Variants in NAA30 observed in about 807,000 individuals in gnomAD.
NAA30 encodes N-alpha-acetyltransferase 30.
NAA30 carries 5 observed loss-of-function variants against 31.4 expected under a neutral mutation model. The observed-to-expected ratio is 0.16, with a 90% CI of 0.08 to 0.33. The LOEUF (loss-of-function observed/expected upper bound fraction) is 0.33, where lower values mean the gene tolerates loss of function less well. Ranked by LOEUF, NAA30 falls within the 10% of genes least tolerant of loss-of-function variation. The pLI is 1.00. For synonymous variants in NAA30, 222 were observed against 207.1 expected (o/e 1.07, Z -0.62); for missense variants, 428 against 490.8 (o/e 0.87, Z 1.21).
At chr14:57,398,142 G>A (rs895209101) in intron 3 of NAA30, among the ~76,000 whole-genome samples, 4 of 152,068 alleles carry the variant, frequency 2.6e-5, no homozygotes, top group Admixed American at 1.3e-4. Context: ...ACTCACACAC[G>A]GTCCTAGGTA....
chr14:57,391,354 C>G lies in NAA30; in HGVS notation c.397C>G (p.His133Asp), dbSNP rs113395103. ...RATATKGAGVHSGERPPHSLS... is the reference protein window; with the variant it reads ...RATATKGAGVDSGERPPHSLS... Reference sequence around the variant, plus strand: ...GACTGCAACAAAAGGAGCCGGGGTACACTCGGGCGAGAGGCCCCCTCACTC... The same window carrying G: ...GACTGCAACAAAAGGAGCCGGGGTAGACTCGGGCGAGAGGCCCCCTCACTC... The change falls in exon 2 of 5, where the codon CAC (histidine) becomes GAC (aspartate). Residue 133 changes from histidine to aspartate, a missense_variant. His to Asp is a moderately conservative substitution (Grantham distance 81). Transcript: ENST00000556492. The surrounding 1 kb of genome is among the most constrained non-coding windows in gnomAD (Gnocchi z 4.1). 5 of 1,611,912 alleles carry G rather than the reference C, an allele frequency of 3.1e-6. No individual in the cohort carries two copies. The South Asian group carries it at 5.5e-5, about 18-fold the overall frequency.
At chr14:57,404,962 T>A (rs2066492493) in intron 4 of NAA30, among the ~76,000 whole-genome samples, 1 of 152,198 alleles carries the variant, frequency 6.6e-6, no homozygotes, top group Non-Finnish European at 1.5e-5. Flanking sequence ...TTTCTTTCCA[T>A]TCTTTTTTTG....
chr14:57,390,942 C>G lies in NAA30; in HGVS notation c.-1-15C>G, dbSNP rs559320859. 1 of 1,468,188 alleles carries G rather than the reference C, an allele frequency of 6.8e-7. No individual in the cohort carries two copies. The highest frequency in any genetic ancestry group is 9.0e-7 in the Non-Finnish European group (1 of 1,115,296). 90.9% of individuals were successfully genotyped at this position (1,468,188 alleles called of 1,614,324 possible). A position where few individuals can be genotyped will look rare whatever the true frequency, so the allele number is the denominator to read the frequency against. ...GGGTTTCATGGCCTCCCCTCTCGGT[C>G]TGTGTCGCTTCTAGGATGGCGGAGG... is the stretch of plus-strand genomic sequence containing the variant. On this transcript the variant is annotated splice_polypyrimidine_tract_variant and intron_variant, in intron 1 of 4. Coordinates refer to ENST00000556492, the MANE Select transcript of NAA30 (RefSeq NM_001011713.3).
At chr14:57,393,120 T>G (rs535780569) in intron 2 of NAA30, among the ~76,000 whole-genome samples, 2 of 152,298 alleles carry the variant, frequency 1.3e-5, no homozygotes, top group East Asian at 3.9e-4. Context: ...CCCACAGAAG[T>G]AGATGATTGA....
In NAA30 at chr14:57,414,634, G is replaced by A. The variant is rs1020856836; in HGVS notation, c.*5118G>A. 6 of 152,194 alleles carry A rather than the reference G, an allele frequency of 3.9e-5. No homozygotes were observed. The highest frequency in any genetic ancestry group is 5.9e-5 in the Non-Finnish European group (4 of 68,046). 9.4% of individuals were successfully genotyped at this position (152,194 alleles called of 1,614,324 possible). A position where few individuals can be genotyped will look rare whatever the true frequency, so the allele number is the denominator to read the frequency against. ...CTCCAAGATCCACTTATGGGGATGA[G>A]GCCAAAGGCCAATGTTACTTCTAGA... On this transcript the variant is annotated 3_prime_UTR_variant, in exon 5 of 5. Coordinates refer to ENST00000556492, the MANE Select transcript of NAA30 (RefSeq NM_001011713.3).
chr14:57,403,310 A>G (rs1056266547), intron 4 of NAA30, among the ~76,000 whole-genome samples: 10 of 149,672 alleles, frequency 6.7e-5, no homozygotes, highest in African/African-American at 1.2e-4. Context: ...TTTACTTTCT[A>G]TTCTGTATAC....
At position 57,395,967 on chromosome 14, in the gene NAA30, A is replaced by G. The variant is rs1004772283; in HGVS notation, c.772-785A>G. ...GCTTTCACTAAAACTTTATTATTAA[A>G]TTTATTTTCATTTTTTTCTTTTATT... is the stretch of plus-strand genomic sequence containing the variant. On this transcript the variant is annotated intron_variant, in intron 2 of 4. Coordinates refer to ENST00000556492, the MANE Select transcript of NAA30 (RefSeq NM_001011713.3). 2.0e-5 allele frequency among the ~76,000 whole-genome samples: 3 copies of G among 152,054 alleles called. No individual in the cohort carries two copies. The East Asian group carries it at 5.8e-4, about 29-fold the overall frequency.
rs890292779 is a variant in NAA30, at chr14:57,410,300, A to G, written c.*784A>G. ...AAGTCCCTTTTTCCTTACAGTAACA[A>G]GTTGAATCTACTTGGAAAATTGAGA... On this transcript the variant is annotated 3_prime_UTR_variant, in exon 5 of 5. Coordinates refer to ENST00000556492, the MANE Select transcript of NAA30 (RefSeq NM_001011713.3). 1 of 152,618 alleles carries G rather than the reference A, an allele frequency of 6.6e-6. No individual in the cohort carries two copies. The highest frequency in any genetic ancestry group is 2.1e-4 in the South Asian group (1 of 4,826). 9.5% of individuals were successfully genotyped at this position (152,618 alleles called of 1,614,324 possible). A position where few individuals can be genotyped will look rare whatever the true frequency, so the allele number is the denominator to read the frequency against.
intron 3 of NAA30, among the ~76,000 whole-genome samples, chr14:57,397,689 G>A (rs1407568258): frequency 2.6e-5 from 4 of 152,210 alleles, no homozygotes; most frequent in Non-Finnish European, 4.4e-5. Flanking sequence ...CATTTTGGGA[G>A]GCCAAGGCAG....
At position 57,391,040 on chromosome 14, in the gene NAA30, C is replaced by G. The variant is rs1399195406; in HGVS notation, c.83C>G (p.Pro28Arg). The change falls in exon 2 of 5, where the codon CCC becomes CGC. Residue 28 changes from proline (P) to arginine (R), a missense_variant. This residue lies in a region of NAA30 where 349 missense variants were observed against 310.4 expected (regional missense o/e 1.12). Transcript: ENST00000556492. The surrounding 1 kb of genome is among the most constrained non-coding windows in gnomAD (Gnocchi z 4.1). ...PAPAAVEPRCPFPAGAALACC... is the reference protein window; with the variant it reads ...PAPAAVEPRCRFPAGAALACC... ...CCGGCGGCGGTCGAGCCCCGCTGTCCCTTCCCGGCGGGGGCCGCCCTCGCC... is the reference window on the plus strand; with the variant it reads ...CCGGCGGCGGTCGAGCCCCGCTGTCGCTTCCCGGCGGGGGCCGCCCTCGCC... The G allele has an allele frequency of 1.3e-6, 2 of 1,512,832 alleles. No individual in the cohort carries two copies. The highest frequency in any genetic ancestry group is 8.8e-7 in the Non-Finnish European group (1 of 1,137,996). The allele number at this position is 1,512,832 out of a possible 1,614,324, so 93.7% of individuals were successfully genotyped here.
chr14:57,395,861 A>C (rs1409654767), intron 2 of NAA30, among the ~76,000 whole-genome samples: 2 of 152,224 alleles, frequency 1.3e-5, no homozygotes, highest in Non-Finnish European at 2.9e-5. Context: ...ATACCTTATA[A>C]ACTGTGCTTT....
intron 2 of NAA30, among the ~76,000 whole-genome samples, chr14:57,394,526 A>T (rs928594953): frequency 6.6e-6 from 1 of 152,112 alleles, no homozygotes; most frequent in African/African-American, 2.4e-5. Flanking sequence ...ATTCCTGTAA[A>T]TGTACCACAT....
rs1462177056 is a variant in NAA30 at position 57,412,579 on chromosome 14, A to G, written c.*3063A>G. ...TATTGACGTCAGATATGAGTTGAGT[A>G]TCTATAAAATATCACGTGTATCTCA... On this transcript the variant is annotated 3_prime_UTR_variant, in exon 5 of 5. Coordinates refer to ENST00000556492, the MANE Select transcript of NAA30 (RefSeq NM_001011713.3). 6.6e-6 allele frequency: 1 copy of G among 152,234 alleles called. No individual in the cohort carries two copies. Among genetic ancestry groups the G allele is most frequent in the South Asian group, 2.1e-4 (1 of 4,834 alleles). 9.4% of individuals were successfully genotyped at this position (152,234 alleles called of 1,614,324 possible).
At chr14:57,397,536 C>T (rs966600975) in intron 3 of NAA30, among the ~76,000 whole-genome samples, 4 of 152,174 alleles carry the variant, frequency 2.6e-5, no homozygotes, top group African/African-American at 9.7e-5. Context: ...GGGGCTGAAG[C>T]TTCCCTAGGT....
chr14:57,407,241 T>A (rs1038224277), intron 4 of NAA30, among the ~76,000 whole-genome samples: 1 of 152,192 alleles, frequency 6.6e-6, no homozygotes, highest in Non-Finnish European at 1.5e-5. Flanking sequence ...TTAAACCAAT[T>A]TGTTTGCTGT....
Position 57,411,391 on chromosome 14 carries a change from T to G in NAA30, c.*1875T>G, listed in dbSNP as rs2066521909. 1 of 152,166 alleles carries G rather than the reference T, an allele frequency of 6.6e-6. No individual in the cohort carries two copies. The highest frequency in any genetic ancestry group is 1.5e-5 in the Non-Finnish European group (1 of 67,986). 9.4% of individuals were successfully genotyped at this position (152,166 alleles called of 1,614,324 possible). The stretch of plus-strand genomic sequence containing the variant: ...CCAATCACAGTGATGCTTTTGTTAT[T>G]TAATATGAAGGAAATGGAACTAAAA... On this transcript the variant is annotated 3_prime_UTR_variant, in exon 5 of 5. Transcript: ENST00000556492.
At chr14:57,408,933 A>G (rs913551007) in intron 4 of NAA30, among the ~76,000 whole-genome samples, 1 of 152,208 alleles carries the variant, frequency 6.6e-6, no homozygotes, top group African/African-American at 2.4e-5. Flanking sequence ...TATGGTAGTT[A>G]TTGCCAGAAT....
In NAA30 at chr14:57,400,897, T is replaced by TG. The variant is rs1188060388; in HGVS notation, c.951+1014_951+1015insG. ...TTTGTTGTTGTGGGGTTTTTTTTTG[T>TG]TTTTTTTTTGTTTTTGTAGAGATGG... On this transcript the variant is annotated intron_variant, in intron 4 of 4. Transcript: ENST00000556492. 6.5e-3 allele frequency among the ~76,000 whole-genome samples: 914 copies of TG among 141,178 alleles called. 4 individuals carry two copies. The highest frequency in any genetic ancestry group is 0.025 in the Middle Eastern group (7 of 280). The allele number at this position is 141,178 out of a possible 152,430, so 92.6% of individuals were successfully genotyped here. A position where few individuals can be genotyped will look rare whatever the true frequency, so the allele number is the denominator to read the frequency against.
At chr14:57,396,714 G>A (rs1566548916) in intron 2 of NAA30, 38 bp from the exon 3 acceptor site, 1 of 1,611,650 alleles carries the variant, frequency 6.2e-7, no homozygotes. Context: ...AGTACCTGAT[G>A]GCAATGTATT....
Sources: allele counts gnomAD v4.1 joint callset (sites outside exome capture counted in the v4.1 genomes callset), GRCh38; gene constraint gnomAD v4.1.1; regional missense constraint gnomAD v4.1.1; non-coding constraint Gnocchi (gnomAD v3.1); transcripts MANE v1.5; gene names NCBI Gene and HGNC (gene_info 2026-07-23, HGNC 2026-07-21).